The following MACROD2 variants were observed in gnomAD, a reference collection of about 807,000 sequenced individuals.
The protein encoded by MACROD2 is ADP-ribose glycohydrolase MACROD2.
MACROD2 carries 36 observed loss-of-function variants against 70.4 expected under a neutral mutation model. The observed-to-expected ratio is 0.51, with a 90% CI of 0.39 to 0.68. The LOEUF (loss-of-function observed/expected upper bound fraction) is 0.68. Ranked by LOEUF, MACROD2 falls within the 30% of genes least tolerant of loss-of-function variation. MACROD2 has a pLI of 0.00. For synonymous variants in MACROD2, 172 were observed against 178.8 expected, an observed-to-expected ratio of 0.96 and a Z score of 0.30; for missense variants, 496 against 538.4, an observed-to-expected ratio of 0.92 and a Z score of 0.78.
At chr20:15,074,002 G>C (rs965586153) in intron 5 of MACROD2, among the ~76,000 whole-genome samples, 5 of 152,108 alleles carry the variant, frequency 3.3e-5, no homozygotes, top group Admixed American at 1.3e-4. Flanking sequence ...ATACAATTTA[G>C]GTCTTTATTT....
At chr20:15,852,764 G>A (rs191478121) in intron 8 of MACROD2, among the ~76,000 whole-genome samples, 3 of 152,220 alleles carry the variant, frequency 2.0e-5, no homozygotes, top group East Asian at 1.9e-4. Flanking sequence ...ATATACCATG[G>A]CCTATTTTCA....
intron 6 of MACROD2, among the ~76,000 whole-genome samples, chr20:15,349,340 T>C (rs1338928444): frequency 6.6e-6 from 1 of 152,206 alleles, no homozygotes. Flanking sequence ...CTGTGGGCCA[T>C]GTGTTATTAC....
rs141390432 is a variant in MACROD2 at position 14,666,914 on chromosome 20, A to G, written c.302-17929A>G. 2.0e-5 allele frequency among the ~76,000 whole-genome samples: 3 copies of G among 151,724 alleles called. No homozygotes were observed. In the East Asian group the frequency reaches 5.8e-4, roughly 29 times the overall value. On this transcript the variant is annotated intron_variant, in intron 4 of 17. Transcript: ENST00000684519. The stretch of plus-strand genomic sequence containing the variant: ...TGATGGTCAGTTTTGGGTCCACATT[A>G]TGTGACCTGACTTTCAACTTGTTTG...
At chr20:15,840,035 A>G (rs532467389) in intron 8 of MACROD2, among the ~76,000 whole-genome samples, 11 of 152,254 alleles carry the variant, frequency 7.2e-5, no homozygotes, top group African/African-American at 2.4e-4. Flanking sequence ...AAAAATAGAA[A>G]CTGATAAATG....
chr20:15,247,263 T>G (rs1308012928), intron 6 of MACROD2, among the ~76,000 whole-genome samples: 1 of 152,164 alleles, frequency 6.6e-6, no homozygotes, highest in African/African-American at 2.4e-5. Flanking sequence ...AGGAATGAAA[T>G]AGAAGTGGAA....
intron 3 of MACROD2, among the ~76,000 whole-genome samples, chr20:14,143,384 C>T (rs1353127673): frequency 6.6e-6 from 1 of 152,144 alleles, no homozygotes; most frequent in Non-Finnish European, 1.5e-5. Flanking sequence ...TAGCAACATT[C>T]AGCTTGAAGA....
intron 5 of MACROD2, among the ~76,000 whole-genome samples, chr20:14,855,662 G>A (rs1294521648): frequency 2.1e-5 from 2 of 95,686 alleles, no homozygotes; most frequent in African/African-American, 4.1e-5. Context: ...CTCTTGGTTT[G>A]ACTGGCATAC....
intron 4 of MACROD2, among the ~76,000 whole-genome samples, chr20:14,502,230 G>T (rs548580756): frequency 6.6e-6 from 1 of 152,284 alleles, no homozygotes; most frequent in South Asian, 2.1e-4. Flanking sequence ...AGTAATACAA[G>T]GTGGGGCAAT....
chr20:15,800,036 T>G (rs1174624168), intron 8 of MACROD2, among the ~76,000 whole-genome samples: 1 of 152,178 alleles, frequency 6.6e-6, no homozygotes, highest in Non-Finnish European at 1.5e-5. Flanking sequence ...CCTTGATGAC[T>G]CATGATGTTG....
At chr20:15,559,308 G>C (rs2048211773) in intron 8 of MACROD2, among the ~76,000 whole-genome samples, 1 of 148,142 alleles carries the variant, frequency 6.8e-6, no homozygotes, top group Non-Finnish European at 1.5e-5. Context: ...AGAACAATTA[G>C]ATAACAAGAG....
At chr20:15,736,786 G>A (rs1973718452) in intron 8 of MACROD2, among the ~76,000 whole-genome samples, 3 of 152,136 alleles carry the variant, frequency 2.0e-5, no homozygotes, top group Non-Finnish European at 2.9e-5. Flanking sequence ...AGTAGCCATT[G>A]GCTCCACAAG....
chr20:15,797,905 G>T (rs1434969420), intron 8 of MACROD2, among the ~76,000 whole-genome samples: 1 of 152,156 alleles, frequency 6.6e-6, no homozygotes, highest in African/African-American at 2.4e-5. Flanking sequence ...TGTTATCTGG[G>T]ATCACACTTT....
At chr20:14,057,071 G>A (rs191484201) in intron 2 of MACROD2, among the ~76,000 whole-genome samples, 237 of 152,230 alleles carry the variant, frequency 1.6e-3, no homozygotes, top group Middle Eastern at 0.014. Flanking sequence ...GAAAAACAAT[G>A]AAACTTGATC....
chr20:14,302,918 C>T (rs1404581932), intron 3 of MACROD2, among the ~76,000 whole-genome samples: 1 of 152,148 alleles, frequency 6.6e-6, no homozygotes, highest in East Asian at 1.9e-4. Flanking sequence ...TCCCCAAGTG[C>T]TGGGACTACA....
At chr20:15,508,161 T>C (rs1600510740) in intron 8 of MACROD2, among the ~76,000 whole-genome samples, 5 of 152,192 alleles carry the variant, frequency 3.3e-5, no homozygotes, top group Non-Finnish European at 7.3e-5. Flanking sequence ...TCTTCTGCAC[T>C]TGCATATAAT....
intron 6 of MACROD2, among the ~76,000 whole-genome samples, chr20:15,250,046 C>A (rs193123809): frequency 2.0e-5 from 3 of 152,308 alleles, no homozygotes; most frequent in Non-Finnish European, 2.9e-5. Flanking sequence ...GCCCTGGCCA[C>A]CCTCTTGTGT....
chr20:14,501,041 A>C (rs183146194), intron 4 of MACROD2, among the ~76,000 whole-genome samples: 35 of 151,882 alleles, frequency 2.3e-4, no homozygotes, highest in Non-Finnish European at 4.7e-4. Context: ...TAAATGAAAA[A>C]AAAAAACAAA....
At chr20:15,618,909 A>AT (rs2049082913) in intron 8 of MACROD2, among the ~76,000 whole-genome samples, 1 of 152,178 alleles carries the variant, frequency 6.6e-6, no homozygotes, top group Admixed American at 6.5e-5. Context: ...AGGATCAGAG[A>AT]TTTTAAGGAT....
intron 5 of MACROD2, among the ~76,000 whole-genome samples, chr20:15,092,741 G>T (rs1180467492): frequency 6.6e-6 from 1 of 151,988 alleles, no homozygotes; most frequent in Non-Finnish European, 1.5e-5. Context: ...ACATTAGTTT[G>T]GAGAAATCTG....
Sources: allele counts gnomAD v4.1 joint callset (sites outside exome capture counted in the v4.1 genomes callset), GRCh38; gene constraint gnomAD v4.1.1; transcripts MANE v1.5; gene names NCBI Gene and HGNC (gene_info 2026-07-23, HGNC 2026-07-21).